The following RAB33A variants were observed in gnomAD, a reference collection of about 807,000 sequenced individuals.
RAB33A encodes the protein ras-related protein Rab-33A.
A neutral mutation model predicts 12.0 loss-of-function variants in RAB33A; 6 were observed. That is an observed-to-expected ratio of 0.50 (90% CI 0.27 to 0.99). RAB33A has a LOEUF of 0.99. RAB33A is among the 50% of genes least tolerant of loss of function. The pLI, the probability that RAB33A is intolerant of heterozygous loss-of-function variation, is 0.11. For missense variants in RAB33A, 109 were observed against 192.0 expected, an observed-to-expected ratio of 0.57 and a Z score of 2.55; for synonymous variants, 70 against 82.4, an observed-to-expected ratio of 0.85 and a Z score of 0.81.
intron 1 of RAB33A, among the ~76,000 whole-genome samples, chrX:130,172,767 G>A (rs2031625726): frequency 8.9e-6 from 1 of 111,760 alleles, no homozygotes; most frequent in Non-Finnish European, 1.9e-5. Context: ...AAGCCTCAAG[G>A]CGTTAGAGGG....
chrX:130,184,166 G>T, intron 1 of RAB33A, 119 bp from the exon 2 acceptor site: 1 of 663,371 alleles, frequency 1.5e-6, no homozygotes. Flanking sequence ...TGGGATTATA[G>T]GCGTGAGCCA....
chrX:130,137,064 A>G, the RAB33A span: 1 of 1,211,184 alleles, frequency 8.3e-7, no homozygotes, highest in Admixed American at 2.2e-5. Context: ...AGCATATAGA[A>G]ACAGTCTCTC....
At chrX:130,137,525 T>A in the RAB33A span, 4 of 1,164,590 alleles carry the variant, frequency 3.4e-6, no homozygotes, top group Admixed American at 2.6e-5. Flanking sequence ...ATTTCATATA[T>A]CTGAAAAAGA....
the RAB33A span, among the ~76,000 whole-genome samples, chrX:130,158,704 T>TAAAAAA: frequency 2.3e-5 from 1 of 44,078 alleles, no homozygotes; most frequent in Non-Finnish European, 4.0e-5. Context: ...GCTGATGAGC[T>TAAAAAA]AAAAAAAAAA....
In RAB33A at chrX:130,172,331, G is replaced by A. The variant is rs372350644; in HGVS notation, c.258+11G>A. The A allele has an allele frequency of 1.7e-6, 2 of 1,191,722 alleles. No individual in the cohort carries two copies. The highest frequency in any genetic ancestry group is 3.5e-5 in the African/African-American group (2 of 57,030). Reference sequence around the variant, plus strand: ...GGCGAGAAGATCAAGGTGATCCAGGGGGTCAGGTCCAGGAAGGGTGGGACC... The same window carrying A: ...GGCGAGAAGATCAAGGTGATCCAGGAGGTCAGGTCCAGGAAGGGTGGGACC... On this transcript the variant is annotated intron_variant, in intron 1 of 1. Transcript: ENST00000257017.
chrX:130,147,843 G>A, the RAB33A span: 24 of 1,209,977 alleles, frequency 2.0e-5, no homozygotes, highest in African/African-American at 1.9e-4. Flanking sequence ...ATGACTTGGC[G>A]CCTTGTCTTG....
At chrX:130,148,558 G>A in the RAB33A span, among the ~76,000 whole-genome samples, 4 of 111,294 alleles carry the variant, frequency 3.6e-5, no homozygotes. Context: ...TTTCGGCTGG[G>A]CGTGGTGGCT....
At chrX:130,161,609 CT>C in the RAB33A span, among the ~76,000 whole-genome samples, 147 of 96,505 alleles carry the variant, frequency 1.5e-3, no homozygotes, top group East Asian at 6.3e-3. Context: ...ATTTATCAGC[CT>C]TTTTTTTTTT....
chrX:130,152,104 A>G, the RAB33A span, among the ~76,000 whole-genome samples: 2 of 110,608 alleles, frequency 1.8e-5, no homozygotes, highest in Admixed American at 9.7e-5. Flanking sequence ...AAGAGAAGAG[A>G]AGAGAAGAGA....
chrX:130,141,599 C>T, the RAB33A span, among the ~76,000 whole-genome samples: 1 of 111,489 alleles, frequency 9.0e-6, no homozygotes, highest in East Asian at 2.8e-4. Flanking sequence ...TGGCATTCTG[C>T]AAGCTTCTTG....
intron 1 of RAB33A, among the ~76,000 whole-genome samples, chrX:130,179,432 G>A (rs1880508960): frequency 9.1e-6 from 1 of 110,046 alleles, no homozygotes; most frequent in Admixed American, 9.8e-5. Flanking sequence ...GGGCTGGTAG[G>A]GATTCAGACT....
chrX:130,120,234 G>GTT, the RAB33A span, among the ~76,000 whole-genome samples: 3 of 108,746 alleles, frequency 2.8e-5, no homozygotes, highest in African/African-American at 1.0e-4. Context: ...TTTGTTTTTT[G>GTT]TTTTTTTTTC....
chrX:130,125,930 AC>A, the RAB33A span, among the ~76,000 whole-genome samples: 2 of 111,451 alleles, frequency 1.8e-5, no homozygotes, highest in African/African-American at 6.5e-5. Context: ...ACATTAGGAC[AC>A]CCCCTGCTGT....
intron 1 of RAB33A, among the ~76,000 whole-genome samples, chrX:130,173,840 T>G (rs931550813): frequency 5.3e-5 from 6 of 112,162 alleles, no homozygotes; most frequent in Non-Finnish European, 1.1e-4. Context: ...AAAACATGAC[T>G]TTGTAATCCA....
chrX:130,171,319 G>A (rs2031602994), upstream of RAB33A, among the ~76,000 whole-genome samples: 1 of 112,254 alleles, frequency 8.9e-6, no homozygotes, highest in African/African-American at 3.2e-5. Context: ...GGTAGAGGGT[G>A]GGGGTAGAGG....
the RAB33A span, chrX:130,147,965 C>T: frequency 1.8e-6 from 2 of 1,101,103 alleles, no homozygotes; most frequent in East Asian, 3.0e-5. Context: ...TTGCACTTGT[C>T]TCAATCCTCC....
At chrX:130,129,823 T>C in the RAB33A span, 28 of 836,877 alleles carry the variant, frequency 3.3e-5, no homozygotes, top group Non-Finnish European at 4.4e-5. Context: ...AAAAGAATGT[T>C]CCTGAGCCAA....
chrX:130,119,557 TC>T, the RAB33A span, among the ~76,000 whole-genome samples: 4 of 110,347 alleles, frequency 3.6e-5, no homozygotes, highest in Non-Finnish European at 7.6e-5. Context: ...CTGATCTTTC[TC>T]CTCGATGGTG....
rs1316762815 is a variant in RAB33A, at chrX:130,172,326, C to A, written c.258+6C>A. 1 of 1,195,651 alleles carries A rather than the reference C, an allele frequency of 8.4e-7. No individual in the cohort carries two copies. The highest frequency in any genetic ancestry group is 2.2e-5 in the Admixed American group (1 of 45,087). On this transcript the variant is annotated splice_donor_region_variant and intron_variant, in intron 1 of 1. Coordinates refer to ENST00000257017, the MANE Select transcript of RAB33A (RefSeq NM_004794.3). The stretch of plus-strand genomic sequence containing the variant: ...TCGAGGGCGAGAAGATCAAGGTGAT[C>A]CAGGGGGTCAGGTCCAGGAAGGGTG...
Sources: gnomAD v4.1 joint callset for allele counts (sites outside exome capture counted in the v4.1 genomes callset) on GRCh38, gnomAD v4.1.1 for gene constraint, MANE v1.5 for transcripts, NCBI Gene and HGNC (gene_info 2026-07-23, HGNC 2026-07-21) for gene names.